RBM38: variants seen among roughly 807,000 people sequenced by gnomAD.
The protein encoded by RBM38 is RNA binding motif protein 38, also known as RNA-binding protein 38.
Under a neutral mutation model 23.5 loss-of-function variants are expected in RBM38, and 11 were observed. That is an observed-to-expected ratio of 0.47 (90% CI 0.29 to 0.77). RBM38 has a LOEUF of 0.77. Among genes scored for constraint, RBM38 ranks in the 30% least tolerant of loss-of-function variants. The pLI, the probability that RBM38 is intolerant of heterozygous loss-of-function variation, is 0.08. For synonymous variants in RBM38, 165 were observed against 166.1 expected (o/e 0.99, Z 0.05); for missense variants, 330 against 351.9 (o/e 0.94, Z 0.50).
Position 57,407,754 on chromosome 20 carries a change from G to A in RBM38, c.628G>A (p.Ala210Thr), listed in dbSNP as rs771577545. ...CTTCGTGGGCTACAGCTACCCTGCC[G>A]CCGTGCCCCAGGCCCTCTCAGCCGC... ...ASFVGYSYPA[A>T]VPQALSAAAP... Residue 210 changes from alanine to threonine, a missense_variant, in exon 4 of 4, where the codon GCC becomes ACC. Around this residue, in one of 3 missense-constraint regions of RBM38, gnomAD observed 227 missense variants for 216.4 expected, o/e 1.05. Coordinates refer to ENST00000356208, the MANE Select transcript of RBM38 (RefSeq NM_017495.6). This position sits in a 1 kb window ranked among gnomAD's most constrained non-coding sequence, Gnocchi z 4.0. 4.7e-5 allele frequency: 76 copies of A among 1,610,204 alleles called. No homozygotes were observed. The highest frequency in any genetic ancestry group is 5.5e-5 in the Non-Finnish European group (65 of 1,179,332).
rs573328226 is a variant in RBM38, at chr20:57,408,051, G to A, written c.*205G>A. ...TTTAATCTAGGTCCCATTGTGTCTT[G>A]AGGGAGGACTTTAAGAATGACTGAG... On this transcript the variant is annotated 3_prime_UTR_variant, in exon 4 of 4. Coordinates refer to ENST00000356208, the MANE Select transcript of RBM38 (RefSeq NM_017495.6). The A allele has an allele frequency of 1.6e-6, 1 of 634,692 alleles. No individual in the cohort carries two copies. Among genetic ancestry groups the A allele is most frequent in the East Asian group, 2.8e-5 (1 of 36,302 alleles). 39.3% of individuals were successfully genotyped at this position (634,692 alleles called of 1,614,324 possible).
At chr20:57,403,698 C>A (rs1337749629) in intron 3 of RBM38, among the ~76,000 whole-genome samples, 5 of 152,118 alleles carry the variant, frequency 3.3e-5, no homozygotes, top group Non-Finnish European at 7.4e-5. Flanking sequence ...CTCAGCTCAC[C>A]ACAACCTCCA....
chr20:57,402,097 A>G (rs1312997110), intron 3 of RBM38, among the ~76,000 whole-genome samples: 1 of 151,906 alleles, frequency 6.6e-6, no homozygotes, highest in Non-Finnish European at 1.5e-5. Context: ...ACAGGCACGC[A>G]CCACCACGCC....
chr20:57,406,917 C>T (rs6025540), intron 3 of RBM38, among the ~76,000 whole-genome samples: 4,597 of 151,680 alleles, frequency 0.03, 216 homozygotes, highest in African/African-American at 0.1. Context: ...TGGCGTGAAC[C>T]CGGGTGGCGG....
chr20:57,400,275 C>CCA (rs1235665687), intron 3 of RBM38, among the ~76,000 whole-genome samples: 1 of 152,170 alleles, frequency 6.6e-6, no homozygotes, highest in Non-Finnish European at 1.5e-5. Context: ...GTGCTCTTGA[C>CCA]TGTGTGCTGA....
intron 3 of RBM38, among the ~76,000 whole-genome samples, chr20:57,400,205 C>T (rs373221959): frequency 3.3e-5 from 5 of 152,266 alleles, no homozygotes; most frequent in Admixed American, 1.3e-4. Flanking sequence ...GGCCAGGATC[C>T]GGGCTTGGGG....
intron 2 of RBM38, 116 bp from the exon 3 acceptor site, chr20:57,393,163 G>A (rs1478237238): frequency 8.9e-6 from 9 of 1,010,526 alleles, no homozygotes; most frequent in Admixed American, 1.7e-5. Flanking sequence ...GAGAGGAAGC[G>A]GATGATCCCT....
At chr20:57,394,835 A>G (rs1290384911) in intron 3 of RBM38, among the ~76,000 whole-genome samples, 1 of 152,040 alleles carries the variant, frequency 6.6e-6, no homozygotes, top group Non-Finnish European at 1.5e-5. Context: ...AGCTGCCCAG[A>G]GGTGAGGGTG....
chr20:57,406,147 T>C (rs913554127), intron 3 of RBM38, among the ~76,000 whole-genome samples: 4 of 152,218 alleles, frequency 2.6e-5, no homozygotes, highest in African/African-American at 9.6e-5. Context: ...TGCCTCGGAC[T>C]CTGCAGCAGC....
Position 57,392,765 on chromosome 20 carries a change from A to G in RBM38, c.349A>G (p.Ser117Gly), listed in dbSNP as rs749917123. The change falls in exon 2 of 4, where the codon AGC (serine) becomes GGC (glycine). Residue 117 changes from serine (S) to glycine (G), a missense_variant. Ser to Gly is a moderately conservative substitution (Grantham distance 56). This residue lies in a region of RBM38 where 227 missense variants were observed against 216.4 expected (regional missense o/e 1.05). Coordinates refer to ENST00000356208, the MANE Select transcript of RBM38 (RefSeq NM_017495.6). ...NLAYLGAKPR[S>G]LQTGFAIGVQ... ...GGCATATCTGGGCGCCAAGCCGCGG[A>G]GCCTCCAGACGGGTGAGAGCTTGTG... 2 of 1,613,042 alleles carry G rather than the reference A, an allele frequency of 1.2e-6. No individual in the cohort carries two copies. The highest frequency in any genetic ancestry group is 1.7e-6 in the Non-Finnish European group (2 of 1,179,772).
At chr20:57,402,557 T>C (rs1026216762) in intron 3 of RBM38, among the ~76,000 whole-genome samples, 1 of 152,096 alleles carries the variant, frequency 6.6e-6, no homozygotes, top group Non-Finnish European at 1.5e-5. Context: ...GGGACACACT[T>C]GGTGGGTGGG....
intron 2 of RBM38, 75 bp downstream of exon 2, chr20:57,392,852 G>C (rs1600742750): frequency 1.3e-6 from 2 of 1,560,400 alleles, no homozygotes; most frequent in East Asian, 4.5e-5. Flanking sequence ...GGTGGAAAGA[G>C]GCCCCCCCTC....
At chr20:57,393,468 A>G in intron 3 of RBM38, 135 bp downstream of exon 3, 2 of 988,310 alleles carry the variant, frequency 2.0e-6, no homozygotes, top group Non-Finnish European at 3.2e-6. Context: ...AAGGGAGTGA[A>G]GAGAAGGCAG....
chr20:57,404,447 T>C (rs1376492369), intron 3 of RBM38, among the ~76,000 whole-genome samples: 1 of 152,236 alleles, frequency 6.6e-6, no homozygotes, highest in Non-Finnish European at 1.5e-5. Context: ...AGGAATGTTT[T>C]CGAGGTTCTG....
At position 57,408,138 on chromosome 20, in the gene RBM38, C is replaced by T. The variant is rs1470800001; in HGVS notation, c.*292C>T. ...CCATGGCAGCCTCTCCTTGCACCTT[C>T]TCCTGCCTCTCCACACTCCAGGTTC... On this transcript the variant is annotated 3_prime_UTR_variant, in exon 4 of 4. Coordinates refer to ENST00000356208, the MANE Select transcript of RBM38 (RefSeq NM_017495.6). 67 of 487,610 alleles carry T rather than the reference C, an allele frequency of 1.4e-4. 1 individual carries two copies. The South Asian group carries it at 1.4e-3, about 10-fold the overall frequency. The allele number at this position is 487,610 out of a possible 1,614,324, so 30.2% of individuals were successfully genotyped here. A position where few individuals can be genotyped will look rare whatever the true frequency, so the allele number is the denominator to read the frequency against.
intron 3 of RBM38, among the ~76,000 whole-genome samples, chr20:57,398,745 G>A (rs1412201267): frequency 2.0e-5 from 3 of 152,248 alleles, no homozygotes; most frequent in Admixed American, 6.5e-5. Context: ...GGCTTGGGGA[G>A]CCTCTTCTGG....
At position 57,408,099 on chromosome 20, in the gene RBM38, A is replaced by G; in HGVS notation, c.*253A>G. ...GAGAACTATTTAAAGACGCAATCCC[A>G]GGTTCCTTGCACACCATGGCAGCCT... is the stretch of plus-strand genomic sequence containing the variant. On this transcript the variant is annotated 3_prime_UTR_variant, in exon 4 of 4. Coordinates refer to ENST00000356208, the MANE Select transcript of RBM38 (RefSeq NM_017495.6). The G allele has an allele frequency of 5.4e-6, 3 of 560,556 alleles. No homozygotes were observed. In the South Asian group the frequency reaches 6.1e-5, roughly 11 times the overall value. The allele number at this position is 560,556 out of a possible 1,614,324, so 34.7% of individuals were successfully genotyped here.
intron 3 of RBM38, among the ~76,000 whole-genome samples, chr20:57,403,625 A>G (rs6099606): frequency 0.022 from 3,354 of 151,114 alleles, 107 homozygotes; most frequent in African/African-American, 0.073. Context: ...CATCTTTTCT[A>G]TGGCTTTTTT....
intron 2 of RBM38, 101 bp from the exon 3 acceptor site, chr20:57,393,178 A>G (rs977571024): frequency 1.8e-6 from 2 of 1,139,316 alleles, no homozygotes; most frequent in Non-Finnish European, 2.7e-6. Flanking sequence ...ATCCCTTTTG[A>G]CTAGAGGTGT....
Sources: allele counts gnomAD v4.1 joint callset (sites outside exome capture counted in the v4.1 genomes callset), GRCh38; gene constraint gnomAD v4.1.1; regional missense constraint gnomAD v4.1.1; non-coding constraint Gnocchi (gnomAD v3.1); transcripts MANE v1.5; gene names NCBI Gene and HGNC (gene_info 2026-07-23, HGNC 2026-07-21).